The following GTF2H3 variants were observed in gnomAD, a reference collection of about 807,000 sequenced individuals.
GTF2H3 encodes the protein general transcription factor IIH subunit 3, also known as TFIIH basal transcription factor complex p34 subunit.
In GTF2H3, 42 loss-of-function variants were observed where a neutral mutation model predicts 51.1. The observed-to-expected ratio is 0.82, with a 90% confidence interval of 0.64 to 1.06. The LOEUF (loss-of-function observed/expected upper bound fraction) is 1.06, where lower values mean the gene tolerates loss of function less well. Among genes scored for constraint, GTF2H3 ranks in the 50% least tolerant of loss-of-function variants. The probability of loss-of-function intolerance (pLI) is 0.00; values close to 1 mark genes in which losing one functional copy is unlikely to be tolerated. For missense variants in GTF2H3, 326 were observed against 366.1 expected, an observed-to-expected ratio of 0.89 and a Z score of 0.89; for synonymous variants, 123 against 123.8, an observed-to-expected ratio of 0.99 and a Z score of 0.04.
intron 2 of GTF2H3, among the ~76,000 whole-genome samples, chr12:123,642,373 G>A (rs547555664): frequency 2.0e-5 from 3 of 151,478 alleles, no homozygotes; most frequent in South Asian, 2.1e-4. Flanking sequence ...GTTTCGCCGT[G>A]TTGGCCAGGC....
At chr12:123,649,006 C>A (rs780958610) in intron 4 of GTF2H3, 1 of 149,876 alleles carries the variant, frequency 6.7e-6, no homozygotes, top group Non-Finnish European at 1.5e-5. Context: ...CTCTTGTTGC[C>A]CAGGCTGGAG....
At chr12:123,639,090 C>G (rs1955331426) in intron 1 of GTF2H3, among the ~76,000 whole-genome samples, 174 bp from the exon 2 acceptor site, 2 of 152,234 alleles carry the variant, frequency 1.3e-5, no homozygotes, top group Admixed American at 6.5e-5. Flanking sequence ...CCACCACGCC[C>G]TGCCCAGCTT....
chr12:123,659,142 C>A (rs1408222672), intron 9 of GTF2H3, among the ~76,000 whole-genome samples: 1 of 152,194 alleles, frequency 6.6e-6, no homozygotes, highest in Non-Finnish European at 1.5e-5. Context: ...GGAAACAGTT[C>A]AGAACTTCCT....
intron 1 of GTF2H3, 79 bp downstream of exon 1, chr12:123,633,951 G>A: frequency 6.8e-7 from 1 of 1,460,254 alleles, no homozygotes; most frequent in Non-Finnish European, 9.6e-7. Flanking sequence ...GATGGAATGT[G>A]TCTTTTGGGC....
At chr12:123,640,232 A>G (rs1398606811) in intron 2 of GTF2H3, among the ~76,000 whole-genome samples, 4 of 151,922 alleles carry the variant, frequency 2.6e-5, no homozygotes, top group African/African-American at 9.7e-5. Context: ...CTGTACTCCC[A>G]GGCAACTCTT....
chr12:123,639,935 CATTG>C (rs1170916847), intron 2 of GTF2H3: 17 of 455,718 alleles, frequency 3.7e-5, no homozygotes, highest in Admixed American at 3.1e-4. Flanking sequence ...TTACCACATT[CATTG>C]ATTTGTGTGT....
chr12:123,649,195 T>G (rs929744304), intron 4 of GTF2H3: 1 of 152,202 alleles, frequency 6.6e-6, no homozygotes, highest in African/African-American at 2.4e-5. Context: ...CTCCAACTCC[T>G]GACCTCAGTT....
intron 7 of GTF2H3, among the ~76,000 whole-genome samples, chr12:123,653,831 A>T (rs1031565416): frequency 9.9e-5 from 15 of 152,150 alleles, no homozygotes; most frequent in Non-Finnish European, 1.0e-4. Context: ...AATCTGTGTC[A>T]AAATTAAATG....
chr12:123,660,320 G>C lies in GTF2H3; in HGVS notation c.*85G>C, dbSNP rs187272460. 1.5e-4 allele frequency: 144 copies of C among 946,634 alleles called. 1 individual carries two copies. The East Asian group carries it at 3.4e-3, about 22-fold the overall frequency. The allele number at this position is 946,634 out of a possible 1,614,324, so 58.6% of individuals were successfully genotyped here. On this transcript the variant is annotated 3_prime_UTR_variant, in exon 13 of 13. Coordinates refer to ENST00000543341, the MANE Select transcript of GTF2H3 (RefSeq NM_001516.5). The stretch of plus-strand genomic sequence containing the variant: ...TGTTGGGAAGACTGAAAAAAATAAA[G>C]ATAGGTATAGGATAATTTTTAATAT...
intron 4 of GTF2H3, 71 bp from the exon 5 acceptor site, chr12:123,650,923 T>TAAAGCACCCAATGATTTTAGTTCAAG (rs1955512014): frequency 2.1e-6 from 2 of 946,842 alleles, no homozygotes; most frequent in East Asian, 4.9e-5. Flanking sequence ...CTTAGTTCAA[T>TAAAGCACCCAATGATTTTAGTTCAAG]AAAGCACCCA....
rs1955640321 is a variant in GTF2H3 at position 123,660,187 on chromosome 12, G to A, written c.879G>A (p.Leu293=). ...TTCETAFKIS[L]PPVLKAKKKK... ...TCAGGACAGCCTTTAAAATTTCTCT[G>A]CCTCCAGTGCTGAAAGCCAAGAAAA... is the stretch of plus-strand genomic sequence containing the variant. The change falls in exon 13 of 13, where the codon CTG becomes CTA. Residue 293 remains leucine (L), a synonymous_variant. Transcript: ENST00000543341. 2 of 1,611,506 alleles carry A rather than the reference G, an allele frequency of 1.2e-6. No individual in the cohort carries two copies. Among genetic ancestry groups the A allele is most frequent in the South Asian group, 1.1e-5 (1 of 90,518 alleles).
chr12:123,652,804 G>C, intron 7 of GTF2H3, 69 bp downstream of exon 7: 2 of 1,372,012 alleles, frequency 1.5e-6, no homozygotes, highest in Non-Finnish European at 1.9e-6. Context: ...GAGACCAGGT[G>C]TGGTGGCTCA....
At position 123,647,987 on chromosome 12, in the gene GTF2H3, T is replaced by C. The variant is rs755068042; in HGVS notation, c.225T>C (p.Asn75=). 2 of 1,613,804 alleles carry C rather than the reference T, an allele frequency of 1.2e-6. No homozygotes were observed. Among genetic ancestry groups the C allele is most frequent in the South Asian group, 1.1e-5 (1 of 90,972 alleles). The change falls in exon 4 of 13, where the codon AAT becomes AAC. Residue 75 remains asparagine, a synonymous_variant. Coordinates refer to ENST00000543341, the MANE Select transcript of GTF2H3 (RefSeq NM_001516.5). Reference sequence around the variant, plus strand: ...GCCGATTCTTATATCCTGGAAAGAATGGCAGACTTGGAGACTTCTTCGGAG... The same window carrying C: ...GCCGATTCTTATATCCTGGAAAGAACGGCAGACTTGGAGACTTCTTCGGAG... ...QESRFLYPGK[N]GRLGDFFGDP... is the part of the protein sequence containing the mutation.
In GTF2H3 at chr12:123,660,758, G is replaced by A. The variant is rs1317482208; in HGVS notation, c.*523G>A. 6.6e-6 allele frequency: 1 copy of A among 152,268 alleles called. No homozygotes were observed. The highest frequency in any genetic ancestry group is 1.5e-5 in the Non-Finnish European group (1 of 68,156). The allele number at this position is 152,268 out of a possible 1,614,324, so 9.4% of individuals were successfully genotyped here. A position where few individuals can be genotyped will look rare whatever the true frequency, so the allele number is the denominator to read the frequency against. On this transcript the variant is annotated 3_prime_UTR_variant, in exon 13 of 13. Transcript: ENST00000543341. ...AGATATTTGCAGATATTTACTTTTT[G>A]TCTGATATCAGTACATATTTGGACA...
intron 1 of GTF2H3, among the ~76,000 whole-genome samples, chr12:123,638,523 G>A (rs11572931): frequency 0.048 from 7,292 of 152,016 alleles, 303 homozygotes; most frequent in African/African-American, 0.11. Context: ...GCCCAGGCTG[G>A]TCTTGGGAAC....
chr12:123,651,736 C>T (rs914066423), intron 5 of GTF2H3, among the ~76,000 whole-genome samples: 4 of 151,538 alleles, frequency 2.6e-5, no homozygotes, highest in Admixed American at 6.6e-5. Flanking sequence ...AGGAGAATAG[C>T]GTGAACCTGG....
rs1168415048 is a variant in GTF2H3 at position 123,654,999 on chromosome 12, G to A, written c.561+1G>A. On this transcript the variant is annotated splice_donor_variant, in intron 8 of 12. Coordinates refer to ENST00000543341, the MANE Select transcript of GTF2H3 (RefSeq NM_001516.5). LOFTEE classifies it high-confidence loss of function. The stretch of plus-strand genomic sequence containing the variant: ...TGTCATCTTTGCAGCACAGAAACAG[G>A]TGAACTGAGAGCCTGCCGTTTAAAG... The A allele has an allele frequency of 1.9e-6, 3 of 1,607,420 alleles. No homozygotes were observed. Among genetic ancestry groups the A allele is most frequent in the Non-Finnish European group, 1.7e-6 (2 of 1,173,994 alleles).
intron 4 of GTF2H3, among the ~76,000 whole-genome samples, chr12:123,648,743 C>A (rs1371742129): frequency 1.3e-5 from 2 of 152,250 alleles, no homozygotes; most frequent in Admixed American, 1.3e-4. Flanking sequence ...GACATCTAAT[C>A]AGCTACAAAA....
chr12:123,639,075 G>A (rs1025797494), intron 1 of GTF2H3, among the ~76,000 whole-genome samples, 189 bp from the exon 2 acceptor site: 3 of 152,136 alleles, frequency 2.0e-5, no homozygotes, highest in Admixed American at 1.3e-4. Flanking sequence ...GGTTACAGGC[G>A]TGAGCCACCA....
Sources: gnomAD v4.1 joint callset for allele counts (sites outside exome capture counted in the v4.1 genomes callset) on GRCh38, gnomAD v4.1.1 for gene constraint, MANE v1.5 for transcripts, NCBI Gene and HGNC (gene_info 2026-07-23, HGNC 2026-07-21) for gene names.